Variants in ELF2 observed in about 807,000 individuals in gnomAD.
ELF2 encodes the protein E74 like ETS transcription factor 2.
Under a neutral mutation model 54.8 loss-of-function variants are expected in ELF2, and 11 were observed. The ratio of observed to expected loss-of-function variants is 0.20; its 90% CI spans 0.13 to 0.33. The LOEUF is 0.33. Ranked by LOEUF, ELF2 falls within the 10% of genes least tolerant of loss-of-function variation. The pLI is 1.00. For synonymous variants in ELF2, 203 were observed against 245.1 expected, an observed-to-expected ratio of 0.83 and a Z score of 1.61; for missense variants, 513 against 703.0, an observed-to-expected ratio of 0.73 and a Z score of 3.06.
chr4:139,130,004 C>T (rs1737327044), intron 3 of ELF2, among the ~76,000 whole-genome samples: 1 of 152,116 alleles, frequency 6.6e-6, no homozygotes, highest in Non-Finnish European at 1.5e-5. Flanking sequence ...GAAATAAGGT[C>T]TTTGCAGATG....
intron 3 of ELF2, among the ~76,000 whole-genome samples, chr4:139,127,162 A>G (rs1490826911): frequency 1.3e-5 from 2 of 152,188 alleles, no homozygotes. Flanking sequence ...ATCAGCTAAG[A>G]ACACATTTCA....
chr4:139,151,042 A>AAGGAC (rs1398903587), intron 1 of ELF2, among the ~76,000 whole-genome samples: 1 of 81,192 alleles, frequency 1.2e-5, no homozygotes, highest in African/African-American at 3.5e-5. Context: ...AAAAGAAAGA[A>AAGGAC]AGAAAGAAAG....
At position 139,067,695 on chromosome 4, in the gene ELF2, C is replaced by A; in HGVS notation, c.602G>T (p.Arg201Ile). 1 of 1,611,944 alleles carries A rather than the reference C, an allele frequency of 6.2e-7. No individual in the cohort carries two copies. The highest frequency in any genetic ancestry group is 8.5e-7 in the Non-Finnish European group (1 of 1,178,502). The change falls in exon 7 of 10, where the codon AGA (arginine) becomes ATA (isoleucine). Residue 201 changes from arginine (R) to isoleucine (I), a missense_variant. Coordinates refer to ENST00000686138, the MANE Select transcript of ELF2 (RefSeq NM_001331036.3). Reference protein sequence around the residue: ...SPELGIKKKPREGKGNTTYLW... With the variant: ...SPELGIKKKPIEGKGNTTYLW... Reference sequence around the variant, plus strand: ...CCTCCCCAAATTACCTTTTCCTTCTCTTGGTTTCTTCTTTATACCTAACTC... The same window carrying A: ...CCTCCCCAAATTACCTTTTCCTTCTATTGGTTTCTTCTTTATACCTAACTC...
At chr4:139,105,128 G>C (rs963135755) in intron 4 of ELF2, among the ~76,000 whole-genome samples, 12 of 152,076 alleles carry the variant, frequency 7.9e-5, no homozygotes, top group Middle Eastern at 3.4e-3. Context: ...GAAAGGGAGA[G>C]GAAAAAAACT....
At chr4:139,161,652 TAAAAAAAAAA>T (rs57452146) in intron 1 of ELF2, among the ~76,000 whole-genome samples, 23 of 70,028 alleles carry the variant, frequency 3.3e-4, no homozygotes, top group East Asian at 9.0e-4. Context: ...TAAAACTGTT[TAAAAAAAAAA>T]AAAAAAAAAA....
At chr4:139,134,608 ATTTTATTTTATTTAT>A (rs1197097413) in intron 3 of ELF2, among the ~76,000 whole-genome samples, 14 of 141,012 alleles carry the variant, frequency 9.9e-5, no homozygotes, top group African/African-American at 2.7e-4. Context: ...ATTTTATTTT[ATTTTATTTTATTTAT>A]TTTATTTTAT....
intron 4 of ELF2, among the ~76,000 whole-genome samples, chr4:139,091,912 AATATATATACACACATATATATACAC>A (rs1410751663): frequency 6.7e-4 from 100 of 149,890 alleles, no homozygotes; most frequent in African/African-American, 2.1e-3. Context: ...ATATATAGAG[AATATATATACACACATATATATACAC>A]ATATATATAC....
Position 139,059,056 on chromosome 4 carries a change from A to G in ELF2, c.1709T>C (p.Val570Ala), listed in dbSNP as rs748986483. The change falls in exon 10 of 10, where the codon GTT becomes GCT. Residue 570 changes from valine (V) to alanine (A), a missense_variant. This residue lies in a region of ELF2 where 291 missense variants were observed against 366.1 expected (regional missense o/e 0.79). Coordinates refer to ENST00000686138, the MANE Select transcript of ELF2 (RefSeq NM_001331036.3). ...GGCAATAGCTGAAGGCGCACTGACA[A>G]CCACTACGTGGGTCACTGTCTTATT... ...DGNKTVTHVVVVSAPSAIALP... is the reference protein window; with the variant it reads ...DGNKTVTHVVAVSAPSAIALP... 14 of 1,613,936 alleles carry G rather than the reference A, an allele frequency of 8.7e-6. No individual in the cohort carries two copies. Among genetic ancestry groups the G allele is most frequent in the Middle Eastern group, 3.3e-4 (2 of 6,056 alleles).
At chr4:139,112,649 TCA>T (rs1735069890) in intron 4 of ELF2, among the ~76,000 whole-genome samples, 1 of 152,238 alleles carries the variant, frequency 6.6e-6, no homozygotes, top group Admixed American at 6.5e-5. Context: ...AGCCTTCTCC[TCA>T]GTCTGAATTA....
In ELF2 at chr4:139,062,049, T is replaced by C. The variant is rs368679824; in HGVS notation, c.622A>G (p.Thr208Ala). Reference protein sequence around the residue: ...KKPREGKGNTTYLWEFLLDLL... With the variant: ...KKPREGKGNTAYLWEFLLDLL... ...TCTAAAAGAAACTCCCACAAATAGGTTGTGTTTCCTTTAAAAACAATGACA... is the reference window on the plus strand; with the variant it reads ...TCTAAAAGAAACTCCCACAAATAGGCTGTGTTTCCTTTAAAAACAATGACA... The change falls in exon 8 of 10, where the codon ACC (threonine) becomes GCC (alanine). Residue 208 changes from threonine (T) to alanine (A), a missense_variant. Around this residue, in one of 3 missense-constraint regions of ELF2, gnomAD observed 203 missense variants for 245.9 expected, o/e 0.83. Coordinates refer to ENST00000686138, the MANE Select transcript of ELF2 (RefSeq NM_001331036.3). 1.1e-5 allele frequency: 17 copies of C among 1,611,028 alleles called. No homozygotes were observed. Among genetic ancestry groups the C allele is most frequent in the Non-Finnish European group, 1.3e-5 (15 of 1,179,168 alleles).
At chr4:139,147,534 C>T (rs1739353573) in intron 1 of ELF2, among the ~76,000 whole-genome samples, 1 of 152,156 alleles carries the variant, frequency 6.6e-6, no homozygotes, top group South Asian at 2.1e-4. Context: ...AGCAGTGGCG[C>T]GATCTCGGCT....
intron 4 of ELF2, among the ~76,000 whole-genome samples, chr4:139,110,995 A>G (rs945112529): frequency 6.6e-6 from 1 of 152,216 alleles, no homozygotes; most frequent in African/African-American, 2.4e-5. Context: ...TAATTTTAGT[A>G]GTACATACTT....
chr4:139,072,139 A>G (rs1729608908), intron 5 of ELF2, 100 bp from the exon 6 acceptor site: 2 of 1,202,574 alleles, frequency 1.7e-6, no homozygotes, highest in Non-Finnish European at 1.2e-6. Flanking sequence ...TTAAGAATTA[A>G]TCAAAGCAGG....
chr4:139,147,537 T>C (rs1739354455), intron 1 of ELF2, among the ~76,000 whole-genome samples: 1 of 152,192 alleles, frequency 6.6e-6, no homozygotes, highest in Non-Finnish European at 1.5e-5. Flanking sequence ...AGTGGCGCGA[T>C]CTCGGCTCAC....
chr4:139,090,377 T>C (rs189916834), intron 4 of ELF2, among the ~76,000 whole-genome samples: 10 of 152,278 alleles, frequency 6.6e-5, no homozygotes, highest in African/African-American at 2.4e-4. Context: ...TAACAAAAAA[T>C]TTTTCATTGT....
chr4:139,124,893 GA>G (rs997695176), intron 4 of ELF2, among the ~76,000 whole-genome samples: 3 of 151,266 alleles, frequency 2.0e-5, no homozygotes, highest in Non-Finnish European at 3.0e-5. Flanking sequence ...TATACTCTCA[GA>G]AAAAAAATAA....
chr4:139,152,006 G>T (rs1319899725), intron 1 of ELF2, among the ~76,000 whole-genome samples: 1 of 152,136 alleles, frequency 6.6e-6, no homozygotes, highest in African/African-American at 2.4e-5. Flanking sequence ...CAGAAAGGGT[G>T]ACTCTATTTA....
intron 3 of ELF2, among the ~76,000 whole-genome samples, chr4:139,135,075 G>A (rs914933277): frequency 5.3e-5 from 8 of 151,722 alleles, no homozygotes; most frequent in African/African-American, 1.9e-4. Flanking sequence ...TACAAAGAAA[G>A]CCTAAAAATA....
intron 1 of ELF2, among the ~76,000 whole-genome samples, chr4:139,160,753 G>A (rs372968794): frequency 6.6e-6 from 1 of 152,040 alleles, no homozygotes; most frequent in East Asian, 1.9e-4. Context: ...ACTTGAGATC[G>A]GGAGTTTGAG....
Sources: gnomAD v4.1 joint callset for allele counts (sites outside exome capture counted in the v4.1 genomes callset) on GRCh38, gnomAD v4.1.1 for gene constraint, gnomAD v4.1.1 regional missense constraint, MANE v1.5 for transcripts, NCBI Gene and HGNC (gene_info 2026-07-23, HGNC 2026-07-21) for gene names.